Variants in ATL3 observed in about 807,000 individuals in gnomAD.
ATL3 encodes atlastin GTPase 3.
In ATL3, 49 loss-of-function variants were observed where a neutral mutation model predicts 69.5. That is an observed-to-expected ratio of 0.71 (90% CI 0.56 to 0.89). The LOEUF is 0.89. Ranked by LOEUF, ATL3 falls within the 40% of genes least tolerant of loss-of-function variation. The pLI, the probability that ATL3 is intolerant of heterozygous loss-of-function variation, is 0.00. For synonymous variants in ATL3, 214 were observed against 224.1 expected (o/e 0.95, Z 0.40); for missense variants, 606 against 645.7 (o/e 0.94, Z 0.67).
At chr11:63,654,436 T>G (rs566162348) in intron 3 of ATL3, among the ~76,000 whole-genome samples, 3 of 152,128 alleles carry the variant, frequency 2.0e-5, no homozygotes, top group East Asian at 3.9e-4. Context: ...TTCACTCTGT[T>G]GCCCAGGTTG....
chr11:63,671,674 T>C (rs1454555158), upstream of ATL3: 7 of 1,355,576 alleles, frequency 5.2e-6, no homozygotes, highest in East Asian at 2.6e-4. Flanking sequence ...CCTTTGGGAA[T>C]TGTAGTCCCG....
chr11:63,624,570 T>C lies in ATL3; in HGVS notation c.*4749A>G, dbSNP rs753610572. On this transcript the variant is annotated 3_prime_UTR_variant, in exon 13 of 13. Coordinates refer to ENST00000398868, the MANE Select transcript of ATL3 (RefSeq NM_015459.5). Reference sequence around the variant, plus strand: ...TTGTTCATTATTTTTATTTGTGGCTTAATGTTTCACCTGTATGTGAAAGAT... The same window carrying C: ...TTGTTCATTATTTTTATTTGTGGCTCAATGTTTCACCTGTATGTGAAAGAT... The C allele has an allele frequency of 2.0e-5, 3 of 152,240 alleles. No individual in the cohort carries two copies. Among genetic ancestry groups the C allele is most frequent in the Non-Finnish European group, 2.9e-5 (2 of 68,044 alleles). 9.4% of individuals were successfully genotyped at this position (152,240 alleles called of 1,614,324 possible).
intron 1 of ATL3, among the ~76,000 whole-genome samples, chr11:63,666,913 A>G (rs896079599): frequency 3.9e-5 from 6 of 152,234 alleles, no homozygotes; most frequent in Admixed American, 1.3e-4. Flanking sequence ...CACAGACACA[A>G]AGCTACAGCT....
chr11:63,666,457 C>T (rs1940575267), intron 1 of ATL3, among the ~76,000 whole-genome samples: 1 of 152,130 alleles, frequency 6.6e-6, no homozygotes, highest in African/African-American at 2.4e-5. Flanking sequence ...TGGAAATATA[C>T]AAATTTAGGA....
chr11:63,660,589 A>T (rs1172527856), intron 1 of ATL3, among the ~76,000 whole-genome samples: 1 of 152,194 alleles, frequency 6.6e-6, no homozygotes, highest in Admixed American at 6.5e-5. Context: ...ATGAATGCCT[A>T]TGTCCACCAA....
intron 1 of ATL3, among the ~76,000 whole-genome samples, chr11:63,659,525 A>C (rs1163283833): frequency 6.6e-6 from 1 of 152,298 alleles, no homozygotes; most frequent in Middle Eastern, 3.4e-3. Flanking sequence ...TGGGAGGCTG[A>C]GGCAGGAAGA....
intron 3 of ATL3, 89 bp from the exon 4 acceptor site, chr11:63,652,664 C>A: frequency 1.2e-6 from 1 of 850,410 alleles, no homozygotes; most frequent in South Asian, 1.8e-5. Context: ...GTAATATATA[C>A]TTAAGTACAG....
chr11:63,644,106 A>T, intron 7 of ATL3, 63 bp downstream of exon 7: 1 of 1,137,662 alleles, frequency 8.8e-7, no homozygotes, highest in Non-Finnish European at 1.3e-6. Flanking sequence ...CAATAGCCAA[A>T]AGCAAATGAG....
chr11:63,660,038 AAAAT>A (rs911387786), intron 1 of ATL3, among the ~76,000 whole-genome samples: 5 of 151,580 alleles, frequency 3.3e-5, no homozygotes, highest in South Asian at 2.1e-4. Context: ...ATAATAATAA[AAAAT>A]AAATAAAATA....
chr11:63,628,460 T>A lies in ATL3; in HGVS notation c.*859A>T, dbSNP rs1042738488. The A allele has an allele frequency of 2.6e-5, 4 of 152,352 alleles. No homozygotes were observed. The South Asian group carries it at 8.3e-4, about 32-fold the overall frequency. The allele number at this position is 152,352 out of a possible 1,614,324, so 9.4% of individuals were successfully genotyped here. On this transcript the variant is annotated 3_prime_UTR_variant, in exon 13 of 13. Transcript: ENST00000398868. ...GCAACAGGATTCCCTATTGTAAATT[T>A]TTTTTGAGTGTAATGACATCATTTT...
chr11:63,642,630 C>T (rs926599463), intron 8 of ATL3, among the ~76,000 whole-genome samples: 3 of 152,216 alleles, frequency 2.0e-5, no homozygotes, highest in African/African-American at 7.2e-5. Flanking sequence ...AGTTACTTAA[C>T]TTTCCTCCTT....
In ATL3 at chr11:63,651,950, G is replaced by C. The variant is rs538455700; in HGVS notation, c.547C>G (p.Leu183Val). 1.9e-6 allele frequency: 3 copies of C among 1,599,166 alleles called. No homozygotes were observed. In the East Asian group the frequency reaches 6.8e-5, roughly 36 times the overall value. ...GAAATATATACCTGCAGCTGTTGAA[G>C]ATCATCTTCTTGAATGTTCTGAGAT... ...NLSQNIQEDDLQQLQLFTEYG... is the reference protein window; with the variant it reads ...NLSQNIQEDDVQQLQLFTEYG... The change falls in exon 5 of 13, where the codon CTT becomes GTT. Residue 183 changes from leucine (L) to valine (V), a missense_variant. Physicochemically the swap from Leu to Val is conservative, Grantham distance 32 (BLOSUM62 1). Transcript: ENST00000398868.
In ATL3 at chr11:63,625,422, A is replaced by G. The variant is rs1054069807; in HGVS notation, c.*3897T>C. 6.6e-6 allele frequency: 1 copy of G among 152,238 alleles called. No individual in the cohort carries two copies. Among genetic ancestry groups the G allele is most frequent in the Non-Finnish European group, 1.5e-5 (1 of 68,046 alleles). 9.4% of individuals were successfully genotyped at this position (152,238 alleles called of 1,614,324 possible). Reference sequence around the variant, plus strand: ...CATTTTTTAAAAGAACCTAGCAAAAAATTAAAAACTGTTTTATTAAAGTTT... The same window carrying G: ...CATTTTTTAAAAGAACCTAGCAAAAGATTAAAAACTGTTTTATTAAAGTTT... On this transcript the variant is annotated 3_prime_UTR_variant, in exon 13 of 13. Transcript: ENST00000398868.
Position 63,630,652 on chromosome 11 carries a change from G to A in ATL3, c.1539+388C>T, listed in dbSNP as rs146729898. On this transcript the variant is annotated intron_variant, in intron 12 of 12. Transcript: ENST00000398868. ...CTCTATTAAAAATACAAAAACTAGC[G>A]GGCCGTGGTGGCACACACCTGTAGT... Among the ~76,000 whole-genome samples, 891 of 151,186 alleles carry A rather than the reference G, an allele frequency of 5.9e-3. 5 individuals carry two copies. The highest frequency in any genetic ancestry group is 0.021 in the African/African-American group (859 of 41,176).
intron 1 of ATL3, among the ~76,000 whole-genome samples, chr11:63,670,090 G>A (rs181852192): frequency 4.6e-5 from 7 of 152,206 alleles, no homozygotes; most frequent in Admixed American, 1.3e-4. Context: ...TGGGTGACCA[G>A]AGCAAAACTC....
intron 1 of ATL3, among the ~76,000 whole-genome samples, chr11:63,669,012 GGT>G (rs1491385003): frequency 3.0e-4 from 40 of 132,576 alleles, no homozygotes; most frequent in African/African-American, 1.1e-3. Context: ...TTTTTTTTTG[GGT>G]GGGGGGGGGC....
At chr11:63,645,377 A>G (rs1428726363) in intron 6 of ATL3, among the ~76,000 whole-genome samples, 1 of 151,914 alleles carries the variant, frequency 6.6e-6, no homozygotes, top group Non-Finnish European at 1.5e-5. Flanking sequence ...CCTGGGCAAA[A>G]TTTTAGAAAG....
upstream of ATL3, chr11:63,671,638 G>A: frequency 7.1e-7 from 1 of 1,413,458 alleles, no homozygotes; most frequent in Non-Finnish European, 9.3e-7. Context: ...CCGGGTACCT[G>A]TTGGCGGGGC....
intron 12 of ATL3, among the ~76,000 whole-genome samples, 188 bp from the exon 13 acceptor site, chr11:63,629,593 G>A (rs979754817): frequency 2.6e-5 from 4 of 152,226 alleles, no homozygotes; most frequent in Non-Finnish European, 4.4e-5. Context: ...GGGAACATCT[G>A]CTCTGTGGCT....
Sources: allele counts gnomAD v4.1 joint callset (sites outside exome capture counted in the v4.1 genomes callset), GRCh38; gene constraint gnomAD v4.1.1; transcripts MANE v1.5; gene names NCBI Gene and HGNC (gene_info 2026-07-23, HGNC 2026-07-21).